NARS2: variants seen among roughly 807,000 people sequenced by gnomAD.
The protein encoded by NARS2 is asparaginyl-tRNA synthetase.
NARS2 carries 60 observed loss-of-function variants against 62.9 expected under a neutral mutation model. The ratio of observed to expected loss-of-function variants is 0.95; its 90% confidence interval spans 0.77 to 1.18. NARS2 has a LOEUF of 1.18. NARS2 is among the 50% of genes most tolerant of loss of function. The pLI, the probability that NARS2 is intolerant of heterozygous loss-of-function variation, is 0.00. For synonymous variants in NARS2, 196 were observed against 200.0 expected, an observed-to-expected ratio of 0.98 and a Z score of 0.17; for missense variants, 619 against 576.4, an observed-to-expected ratio of 1.07 and a Z score of -0.76.
chr11:78,529,492 T>C lies in NARS2; in HGVS notation c.595-556A>G, dbSNP rs139318341. ...ATGACTCTATCTTTAAAAGATACACTGAGCAACAAAACCTTTATGAACTTA... is the reference window on the plus strand; with the variant it reads ...ATGACTCTATCTTTAAAAGATACACCGAGCAACAAAACCTTTATGAACTTA... On this transcript the variant is annotated intron_variant, in intron 5 of 13. Coordinates refer to ENST00000281038, the MANE Select transcript of NARS2 (RefSeq NM_024678.6). Among the ~76,000 whole-genome samples the C allele has an allele frequency of 3.2e-4, 49 of 152,320 alleles. No individual in the cohort carries two copies. In the East Asian group the frequency reaches 9.2e-3, roughly 29 times the overall value.
At chr11:78,508,422 C>T (rs1247680415) in intron 6 of NARS2, among the ~76,000 whole-genome samples, 2 of 152,026 alleles carry the variant, frequency 1.3e-5, no homozygotes, top group Non-Finnish European at 2.9e-5. Context: ...AACCCCGTCT[C>T]TACCAAAGAT....
chr11:78,559,054 C>G (rs962194075), intron 5 of NARS2, among the ~76,000 whole-genome samples: 1 of 152,032 alleles, frequency 6.6e-6, no homozygotes, highest in Non-Finnish European at 1.5e-5. Context: ...CCTGTAATCC[C>G]AGCACTCTGG....
intron 9 of NARS2, among the ~76,000 whole-genome samples, chr11:78,478,023 CTG>C (rs1189570058): frequency 2.6e-5 from 4 of 152,160 alleles, no homozygotes; most frequent in African/African-American, 9.7e-5. Flanking sequence ...ACGCAGATCA[CTG>C]TGGTAATCTC....
chr11:78,449,927 T>C (rs894315704), intron 11 of NARS2, among the ~76,000 whole-genome samples: 5 of 152,192 alleles, frequency 3.3e-5, no homozygotes, highest in African/African-American at 1.2e-4. Context: ...TCCACCCTGG[T>C]CTAAAACTGA....
chr11:78,485,495 T>G (rs1018056320), intron 7 of NARS2, among the ~76,000 whole-genome samples: 4 of 152,170 alleles, frequency 2.6e-5, no homozygotes, highest in African/African-American at 4.8e-5. Flanking sequence ...ACTAGTCAAC[T>G]TGATTAATAA....
Position 78,497,241 on chromosome 11 carries a change from G to GAAAAAAAAAAAAAAAAAAAA in NARS2, c.690-4066_690-4047dup, listed in dbSNP as rs35740309. Among the ~76,000 whole-genome samples, 2 of 107,292 alleles carry GAAAAAAAAAAAAAAAAAAAA rather than the reference G, an allele frequency of 1.9e-5. 1 individual carries two copies. Among genetic ancestry groups the GAAAAAAAAAAAAAAAAAAAA allele is most frequent in the African/African-American group, 7.8e-5 (2 of 25,764 alleles). The allele number at this position is 107,292 out of a possible 152,430, so 70.4% of individuals were successfully genotyped here. On this transcript the variant is annotated intron_variant, in intron 6 of 13. Coordinates refer to ENST00000281038, the MANE Select transcript of NARS2 (RefSeq NM_024678.6). ...TCTTTGGAAAATAAAAAGCAAAATTGAAAAAAAAAAAAAAAAAAAAGGTTC... is the reference window on the plus strand; with the variant it reads ...TCTTTGGAAAATAAAAAGCAAAATTGAAAAAAAAAAAAAAAAAAAAAAAAAAAAAAAAAAAAAAAAGGTTC...
intron 6 of NARS2, among the ~76,000 whole-genome samples, chr11:78,514,044 A>G (rs1429565875): frequency 1.3e-5 from 2 of 152,182 alleles, no homozygotes; most frequent in African/African-American, 4.8e-5. Flanking sequence ...CACGAGAAGC[A>G]GACACTACTA....
intron 2 of NARS2, among the ~76,000 whole-genome samples, chr11:78,570,191 GA>G (rs201298741): frequency 6.7e-6 from 1 of 148,150 alleles, no homozygotes; most frequent in African/African-American, 2.5e-5. Flanking sequence ...CTCTCTCCAG[GA>G]AAAAAAAAAG....
chr11:78,449,544 T>C (rs1230663679), intron 11 of NARS2, among the ~76,000 whole-genome samples: 3 of 152,184 alleles, frequency 2.0e-5, no homozygotes, highest in African/African-American at 7.2e-5. Context: ...TAACTGGTTA[T>C]ACACAACTAT....
chr11:78,567,358 A>G (rs1341946840), intron 3 of NARS2, among the ~76,000 whole-genome samples: 1 of 152,214 alleles, frequency 6.6e-6, no homozygotes, highest in African/African-American at 2.4e-5. Flanking sequence ...ATGGAGCAGG[A>G]CGGCTCAAGA....
chr11:78,498,050 C>A (rs1314869116), intron 6 of NARS2, among the ~76,000 whole-genome samples: 2 of 152,088 alleles, frequency 1.3e-5, no homozygotes, highest in African/African-American at 4.8e-5. Flanking sequence ...GTTAGCTAAC[C>A]ATCTGAGGAG....
chr11:78,507,019 A>G (rs1170527080), intron 6 of NARS2, among the ~76,000 whole-genome samples: 1 of 152,134 alleles, frequency 6.6e-6, no homozygotes, highest in Admixed American at 6.5e-5. Flanking sequence ...AACCCCGTGC[A>G]CACAGCTTGA....
At chr11:78,539,800 C>T (rs1466164147) in intron 5 of NARS2, among the ~76,000 whole-genome samples, 4 of 152,136 alleles carry the variant, frequency 2.6e-5, no homozygotes, top group Admixed American at 6.5e-5. Context: ...CAAAGTCCTG[C>T]GTAACTAAGC....
chr11:78,559,790 C>A (rs1049549808), intron 4 of NARS2, among the ~76,000 whole-genome samples, 171 bp from the exon 5 acceptor site: 1 of 152,194 alleles, frequency 6.6e-6, no homozygotes, highest in Non-Finnish European at 1.5e-5. Context: ...TAACTACCCA[C>A]AGGGGCACAA....
intron 13 of NARS2, among the ~76,000 whole-genome samples, chr11:78,437,540 A>G (rs1857445104): frequency 6.6e-6 from 1 of 152,228 alleles, no homozygotes; most frequent in Non-Finnish European, 1.5e-5. Context: ...ATGGCAAGAC[A>G]ATGGCACAGA....
intron 1 of NARS2, among the ~76,000 whole-genome samples, chr11:78,572,020 G>A (rs1172344148): frequency 6.6e-6 from 1 of 151,776 alleles, no homozygotes; most frequent in Admixed American, 6.6e-5. Context: ...TGTCTCTACC[G>A]AAAATACAAA....
chr11:78,534,105 GC>G (rs1445395807), intron 5 of NARS2, among the ~76,000 whole-genome samples: 1 of 152,138 alleles, frequency 6.6e-6, no homozygotes, highest in Admixed American at 6.5e-5. Flanking sequence ...GAATAAAGCT[GC>G]TTTGTAAACA....
At chr11:78,524,947 AAT>A (rs766530884) in intron 6 of NARS2, among the ~76,000 whole-genome samples, 2 of 152,144 alleles carry the variant, frequency 1.3e-5, no homozygotes, top group Non-Finnish European at 2.9e-5. Context: ...CAGGCAACAG[AAT>A]ATTATTTAGC....
intron 7 of NARS2, among the ~76,000 whole-genome samples, chr11:78,480,559 TTCTTACATTCTATTACTA>T (rs1235935289): frequency 6.6e-6 from 1 of 151,892 alleles, no homozygotes; most frequent in Admixed American, 6.6e-5. Context: ...CCAGCCTATT[TTCTTACATTCTATTACTA>T]TGGTCATTTA....
Sources: allele counts gnomAD v4.1 joint callset (sites outside exome capture counted in the v4.1 genomes callset), GRCh38; gene constraint gnomAD v4.1.1; transcripts MANE v1.5; gene names NCBI Gene and HGNC (gene_info 2026-07-23, HGNC 2026-07-21).